THSD7B: variants seen among roughly 807,000 people sequenced by gnomAD.
The protein encoded by THSD7B is thrombospondin type-1 domain-containing protein 7B.
Under a neutral mutation model 213.6 loss-of-function variants are expected in THSD7B, and 138 were observed. The ratio of observed to expected loss-of-function variants is 0.65; its 90% CI spans 0.56 to 0.74. The LOEUF (loss-of-function observed/expected upper bound fraction) is 0.74. THSD7B is among the 30% of genes least tolerant of loss of function. THSD7B has a pLI of 0.00. For missense variants in THSD7B, 1,931 were observed against 1,991.5 expected (o/e 0.97, Z 0.58); for synonymous variants, 742 against 687.0 (o/e 1.08, Z -1.25).
chr2:137,555,426 C>A (rs1257317786), intron 15 of THSD7B, among the ~76,000 whole-genome samples: 3 of 152,196 alleles, frequency 2.0e-5, no homozygotes, highest in African/African-American at 4.8e-5. Flanking sequence ...GATACCCAGG[C>A]AAACAGGGCC....
At chr2:136,853,567 G>T (rs1683131921) in intron 1 of THSD7B, among the ~76,000 whole-genome samples, 2 of 152,096 alleles carry the variant, frequency 1.3e-5, no homozygotes. Flanking sequence ...GGTCAAGATG[G>T]TGCCTCTACA....
At position 137,222,277 on chromosome 2, in the gene THSD7B, A is replaced by C. The variant is rs146681255; in HGVS notation, c.1724-8767A>C. Among the ~76,000 whole-genome samples, 147 of 152,244 alleles carry C rather than the reference A, an allele frequency of 9.7e-4. 1 individual carries two copies. The highest frequency in any genetic ancestry group is 3.4e-3 in the African/African-American group (143 of 41,552). On this transcript the variant is annotated intron_variant, in intron 7 of 27. Transcript: ENST00000409968. ...TATCTTAGGCCTAATAAGCTTAATA[A>C]TTTTCCAGCGTCACATTTTGGTAAA...
chr2:136,878,014 G>A (rs371794481), intron 1 of THSD7B, among the ~76,000 whole-genome samples: 9 of 151,922 alleles, frequency 5.9e-5, no homozygotes, highest in African/African-American at 1.7e-4. Flanking sequence ...ATGGTGTGCT[G>A]CACCCATTAA....
At chr2:137,130,118 A>G (rs563710825) in intron 5 of THSD7B, among the ~76,000 whole-genome samples, 1 of 152,322 alleles carries the variant, frequency 6.6e-6, no homozygotes, top group Non-Finnish European at 1.5e-5. Flanking sequence ...GGAAGGAGAC[A>G]GCAAGGGGCT....
chr2:137,004,871 C>T (rs1039579072), intron 2 of THSD7B, among the ~76,000 whole-genome samples: 1 of 152,084 alleles, frequency 6.6e-6, no homozygotes, highest in African/African-American at 2.4e-5. Context: ...ATTTTACCTT[C>T]CTTAGATCAC....
At chr2:137,137,743 G>T (rs1462441723) in intron 5 of THSD7B, among the ~76,000 whole-genome samples, 2 of 151,892 alleles carry the variant, frequency 1.3e-5, no homozygotes, top group Non-Finnish European at 2.9e-5. Context: ...CTTTTTGTGG[G>T]TTTTTTGTGG....
chr2:137,098,730 C>T (rs75110653), intron 4 of THSD7B, among the ~76,000 whole-genome samples: 4,599 of 152,154 alleles, frequency 0.03, 262 homozygotes, highest in East Asian at 0.27. Context: ...TTGGGGGATA[C>T]TCTTCTCATT....
chr2:137,278,457 G>A (rs557240877), intron 12 of THSD7B, among the ~76,000 whole-genome samples: 87 of 152,178 alleles, frequency 5.7e-4, no homozygotes, highest in African/African-American at 2.1e-3. Context: ...TCAATTATTA[G>A]GATAACATGA....
intron 12 of THSD7B, among the ~76,000 whole-genome samples, chr2:137,377,547 C>A (rs550356488): frequency 4.6e-5 from 7 of 151,760 alleles, no homozygotes; most frequent in Non-Finnish European, 1.0e-4. Context: ...TGTCTGAGCT[C>A]AGTTTAAAAA....
intron 7 of THSD7B, among the ~76,000 whole-genome samples, chr2:137,229,636 T>C (rs1048090261): frequency 6.6e-6 from 1 of 152,046 alleles, no homozygotes; most frequent in Non-Finnish European, 1.5e-5. Context: ...AGAATATCCA[T>C]CTCCTTGGAA....
chr2:137,084,615 A>G (rs1687804427), intron 3 of THSD7B, among the ~76,000 whole-genome samples: 1 of 152,198 alleles, frequency 6.6e-6, no homozygotes, highest in Non-Finnish European at 1.5e-5. Context: ...AGCCAAAGTC[A>G]TAAATCACCT....
intron 5 of THSD7B, among the ~76,000 whole-genome samples, chr2:137,121,433 A>G (rs1302494757): frequency 1.3e-5 from 2 of 152,204 alleles, no homozygotes; most frequent in African/African-American, 2.4e-5. Context: ...AATGTGTTAT[A>G]TATTTCTTCA....
At chr2:137,068,312 A>G (rs995347736) in intron 3 of THSD7B, among the ~76,000 whole-genome samples, 1 of 152,104 alleles carries the variant, frequency 6.6e-6, no homozygotes, top group Non-Finnish European at 1.5e-5. Flanking sequence ...TTGAATTATC[A>G]TGTCATGAAA....
rs1224241535 is a variant in THSD7B, at chr2:137,421,615, C to T, written c.2959+9743C>T. On this transcript the variant is annotated intron_variant, in intron 14 of 27. Coordinates refer to ENST00000409968, the MANE Select transcript of THSD7B (RefSeq NM_001316349.2). ...TTCAGCTATCTGGAAGCTCCCTGAACCTGGTCCTCTTGAGTTTTTATGGAA... is the reference window on the plus strand; with the variant it reads ...TTCAGCTATCTGGAAGCTCCCTGAATCTGGTCCTCTTGAGTTTTTATGGAA... Among the ~76,000 whole-genome samples the T allele has an allele frequency of 3.3e-5, 5 of 152,192 alleles. No homozygotes were observed. In the East Asian group the frequency reaches 9.6e-4, roughly 29 times the overall value.
intron 1 of THSD7B, among the ~76,000 whole-genome samples, chr2:136,868,684 A>G (rs1300453808): frequency 6.6e-6 from 1 of 152,174 alleles, no homozygotes; most frequent in African/African-American, 2.4e-5. Flanking sequence ...TCTTGTTCAC[A>G]CATTCCAGTT....
chr2:136,827,009 C>T (rs941130538), intron 1 of THSD7B, among the ~76,000 whole-genome samples: 2 of 152,090 alleles, frequency 1.3e-5, no homozygotes, highest in African/African-American at 2.4e-5. Context: ...TAAATAGAAA[C>T]CTAGGATTAG....
chr2:137,216,728 G>A (rs1163665907), intron 7 of THSD7B, among the ~76,000 whole-genome samples: 2 of 152,146 alleles, frequency 1.3e-5, no homozygotes, highest in Non-Finnish European at 2.9e-5. Flanking sequence ...ATTTCACAGC[G>A]AAAGAAAATG....
chr2:137,403,214 T>C (rs567018169), intron 12 of THSD7B, among the ~76,000 whole-genome samples: 23 of 152,258 alleles, frequency 1.5e-4, no homozygotes, highest in Admixed American at 9.8e-4. Flanking sequence ...TGTGCATCCA[T>C]TGTCATCTTA....
chr2:137,327,763 A>G (rs1684404684), intron 12 of THSD7B, among the ~76,000 whole-genome samples: 3 of 152,240 alleles, frequency 2.0e-5, no homozygotes, highest in Non-Finnish European at 4.4e-5. Context: ...TAGAATTGTT[A>G]GATAATAAAA....
Sources: gnomAD v4.1 joint callset for allele counts (sites outside exome capture counted in the v4.1 genomes callset) on GRCh38, gnomAD v4.1.1 for gene constraint, MANE v1.5 for transcripts, NCBI Gene and HGNC (gene_info 2026-07-23, HGNC 2026-07-21) for gene names.